Variants in RAD51B observed in about 807,000 individuals in gnomAD.
RAD51B encodes the protein RAD51 paralog B.
Under a neutral mutation model 42.2 loss-of-function variants are expected in RAD51B, and 38 were observed. That is an observed-to-expected ratio of 0.90 (90% CI 0.70 to 1.18). The LOEUF (loss-of-function observed/expected upper bound fraction) is 1.18. RAD51B is among the 50% of genes most tolerant of loss of function. The pLI, the probability that RAD51B is intolerant of heterozygous loss-of-function variation, is 0.00. For synonymous variants in RAD51B, 154 were observed against 145.2 expected (o/e 1.06, Z -0.43); for missense variants, 373 against 400.7 (o/e 0.93, Z 0.59).
At chr14:68,083,743 G>A (rs1180438745) in intron 7 of RAD51B, among the ~76,000 whole-genome samples, 1 of 151,998 alleles carries the variant, frequency 6.6e-6, no homozygotes, top group Non-Finnish European at 1.5e-5. Context: ...ATTAATTTAG[G>A]TTTTTGGCAT....
intron 7 of RAD51B, among the ~76,000 whole-genome samples, chr14:67,953,182 A>T (rs2074485897): frequency 3.3e-5 from 5 of 152,180 alleles, no homozygotes; most frequent in Admixed American, 2.6e-4. Flanking sequence ...TCCTTTTATT[A>T]ACATAAGTGC....
chr14:67,835,796 G>C (rs567544327), intron 4 of RAD51B, among the ~76,000 whole-genome samples: 6 of 152,100 alleles, frequency 3.9e-5, no homozygotes, highest in African/African-American at 1.4e-4. Flanking sequence ...GTCAAGGCTA[G>C]AGTGAGCCAT....
intron 10 of RAD51B, chr14:68,561,950 A>G (rs2140020362): frequency 2.0e-6 from 2 of 985,416 alleles, no homozygotes; most frequent in Non-Finnish European, 2.4e-6. Flanking sequence ...AGTTCTCAGC[A>G]TGGTCCTTGT....
intron 7 of RAD51B, among the ~76,000 whole-genome samples, chr14:68,012,528 C>T (rs775796982): frequency 1.3e-5 from 2 of 151,826 alleles, no homozygotes; most frequent in Non-Finnish European, 2.9e-5. Flanking sequence ...TTTGCCAAAC[C>T]CTGGTCTATA....
intron 10 of RAD51B, among the ~76,000 whole-genome samples, chr14:68,511,163 A>C (rs1885702068): frequency 6.6e-6 from 1 of 152,226 alleles, no homozygotes; most frequent in African/African-American, 2.4e-5. Flanking sequence ...GGACACCTCT[A>C]GGAGTGGAAG....
rs548822476 is a variant in RAD51B, at chr14:68,564,510, C to T, written c.1037-29975C>T. On this transcript the variant is annotated intron_variant, in intron 10 of 10. Coordinates refer to the RAD51B transcript ENST00000487270. Reference sequence around the variant, plus strand: ...TGTTGCCCTTCCCCAGAGAGGAAGCCGAGTGCAGGCCTGAGCGGGCAGCTG... The same window carrying T: ...TGTTGCCCTTCCCCAGAGAGGAAGCTGAGTGCAGGCCTGAGCGGGCAGCTG... Among the ~76,000 whole-genome samples the T allele has an allele frequency of 1.7e-4, 26 of 152,268 alleles. No individual in the cohort carries two copies. The South Asian group carries it at 3.9e-3, about 23-fold the overall frequency.
chr14:68,016,387 G>T (rs1009851413), intron 7 of RAD51B, among the ~76,000 whole-genome samples: 2 of 152,150 alleles, frequency 1.3e-5, no homozygotes, highest in African/African-American at 4.8e-5. Flanking sequence ...GTTTGGAAGG[G>T]TGTGCACTGG....
At chr14:68,184,625 C>CAG (rs1555370064) in intron 7 of RAD51B, among the ~76,000 whole-genome samples, 1 of 132,390 alleles carries the variant, frequency 7.6e-6, no homozygotes, top group African/African-American at 2.9e-5. Flanking sequence ...AAAAAAAAAC[C>CAG]AAAAAAAAAA....
intron 8 of RAD51B, among the ~76,000 whole-genome samples, chr14:68,359,000 G>C (rs117312919): frequency 2.0e-5 from 3 of 152,194 alleles, no homozygotes; most frequent in Non-Finnish European, 2.9e-5. Context: ...CAGAATTGTT[G>C]GAAACCTCTC....
intron 5 of RAD51B, 103 bp downstream of exon 5, chr14:67,865,242 T>C (rs1454384420): frequency 1.1e-4 from 28 of 266,492 alleles, no homozygotes; most frequent in Admixed American, 1.3e-4. Flanking sequence ...CCCCCTTGCC[T>C]TTTTTTTTTT....
chr14:67,842,417 C>T (rs531485039), intron 4 of RAD51B, among the ~76,000 whole-genome samples: 3 of 152,244 alleles, frequency 2.0e-5, no homozygotes, highest in South Asian at 4.1e-4. Flanking sequence ...CTCACTCTGT[C>T]GCCTAGGCTG....
At chr14:68,227,157 A>G (rs909277835) in intron 7 of RAD51B, among the ~76,000 whole-genome samples, 38 of 152,360 alleles carry the variant, frequency 2.5e-4, no homozygotes, top group African/African-American at 7.0e-4. Flanking sequence ...AAAGATTGAC[A>G]TAAGTATCCT....
intron 7 of RAD51B, among the ~76,000 whole-genome samples, chr14:68,144,973 A>G (rs2078219663): frequency 1.3e-5 from 2 of 152,064 alleles, no homozygotes; most frequent in South Asian, 4.1e-4. Context: ...TTGCTTGGCT[A>G]TATTGTTTCA....
At chr14:68,180,260 T>G (rs2140881269) in intron 7 of RAD51B, among the ~76,000 whole-genome samples, 1 of 152,288 alleles carries the variant, frequency 6.6e-6, no homozygotes, top group African/African-American at 2.4e-5. Context: ...AGCGCTAACA[T>G]TCATCTTTAC....
chr14:68,195,203 C>T (rs2079344535), intron 7 of RAD51B, among the ~76,000 whole-genome samples: 1 of 151,920 alleles, frequency 6.6e-6, no homozygotes, highest in Admixed American at 6.6e-5. Context: ...TTTACTATGC[C>T]ATCTTTACTC....
chr14:68,278,479 C>T (rs1482453505), intron 7 of RAD51B, among the ~76,000 whole-genome samples: 13 of 152,180 alleles, frequency 8.5e-5, no homozygotes, highest in Non-Finnish European at 1.9e-4. Context: ...GTGTTTGATA[C>T]TCACTGGGTA....
chr14:68,180,709 A>G (rs932359691), intron 7 of RAD51B, among the ~76,000 whole-genome samples: 2 of 152,194 alleles, frequency 1.3e-5, no homozygotes, highest in Admixed American at 1.3e-4. Context: ...GTAGCTGGGA[A>G]TGGAGAAAGA....
chr14:68,525,282 G>A (rs79729396), intron 10 of RAD51B, among the ~76,000 whole-genome samples: 3,975 of 152,324 alleles, frequency 0.026, 169 homozygotes, highest in African/African-American at 0.087. Context: ...AAGGAACATC[G>A]CCTTCCAGAT....
intron 7 of RAD51B, among the ~76,000 whole-genome samples, chr14:68,249,926 T>C (rs989443567): frequency 6.6e-6 from 1 of 152,218 alleles, no homozygotes; most frequent in Non-Finnish European, 1.5e-5. Context: ...GCCACCGCCA[T>C]AGTGAGGCTT....
Sources: gnomAD v4.1 joint callset for allele counts (sites outside exome capture counted in the v4.1 genomes callset) on GRCh38, gnomAD v4.1.1 for gene constraint, MANE v1.5 for transcripts, NCBI Gene and HGNC (gene_info 2026-07-23, HGNC 2026-07-21) for gene names.